The following ARL15 variants were observed in gnomAD, a reference collection of about 807,000 sequenced individuals.
ARL15 encodes the protein ARF like GTPase 15.
In ARL15, 19 loss-of-function variants were observed where a neutral mutation model predicts 25.2. That is an observed-to-expected ratio of 0.75 (90% CI 0.53 to 1.10). The LOEUF is 1.10. Among genes scored for constraint, ARL15 ranks in the 50% least tolerant of loss-of-function variants. The pLI is 0.00. For missense variants in ARL15, 220 were observed against 246.0 expected (o/e 0.89, Z 0.71); for synonymous variants, 94 against 86.8 (o/e 1.08, Z -0.46).
chr5:54,222,626 G>T (rs531784828), intron 1 of ARL15, among the ~76,000 whole-genome samples: 3 of 152,186 alleles, frequency 2.0e-5, no homozygotes, highest in Non-Finnish European at 4.4e-5. Flanking sequence ...GGAATGGGGT[G>T]AGGGGAGGAG....
chr5:53,995,256 C>T (rs927982233), intron 4 of ARL15, among the ~76,000 whole-genome samples: 3 of 135,132 alleles, frequency 2.2e-5, no homozygotes, highest in Non-Finnish European at 3.0e-5. Flanking sequence ...TGCTCCGAGC[C>T]GAGATTGTGC....
chr5:54,200,307 A>G (rs1293773516), intron 1 of ARL15, among the ~76,000 whole-genome samples: 1 of 151,574 alleles, frequency 6.6e-6, no homozygotes, highest in African/African-American at 2.4e-5. Flanking sequence ...TAATTAAAAA[A>G]AGAGAAAAAA....
chr5:54,268,518 G>T (rs1326334168), intron 1 of ARL15, among the ~76,000 whole-genome samples: 9 of 152,186 alleles, frequency 5.9e-5, no homozygotes, highest in Admixed American at 5.9e-4. Context: ...GAGGAATTGC[G>T]TTCCTTTGGA....
chr5:54,192,405 A>T (rs1645549), intron 1 of ARL15, among the ~76,000 whole-genome samples: 39,747 of 151,920 alleles, frequency 0.26, 5,719 homozygotes, highest in African/African-American at 0.36. Flanking sequence ...GTCTCCCCTC[A>T]CTAGAACATA....
At chr5:54,007,674 T>C (rs1214406077) in intron 4 of ARL15, among the ~76,000 whole-genome samples, 1 of 152,070 alleles carries the variant, frequency 6.6e-6, no homozygotes, top group African/African-American at 2.4e-5. Context: ...AGTTTTGCAA[T>C]GAAAAGAGAA....
intron 4 of ARL15, among the ~76,000 whole-genome samples, chr5:53,961,197 T>A (rs1019799718): frequency 3.3e-5 from 5 of 152,072 alleles, no homozygotes; most frequent in Non-Finnish European, 4.4e-5. Context: ...ACTTTAGAAA[T>A]AATTATATAT....
chr5:53,918,245 G>A (rs879273615), intron 4 of ARL15, among the ~76,000 whole-genome samples: 10 of 152,164 alleles, frequency 6.6e-5, no homozygotes, highest in Non-Finnish European at 1.3e-4. Context: ...GAGCGCAGTG[G>A]TGTGATGATA....
chr5:53,987,526 A>G (rs1273904305), intron 4 of ARL15, among the ~76,000 whole-genome samples: 4 of 150,340 alleles, frequency 2.7e-5, no homozygotes, highest in Admixed American at 2.0e-4. Flanking sequence ...TATTTTGAGT[A>G]TCTTATCATC....
chr5:54,271,907 TTTA>T lies in ARL15; in HGVS notation c.48+38522_48+38524del, dbSNP rs551184171. On this transcript the variant is annotated intron_variant, in intron 1 of 4. Transcript: ENST00000504924. ...ATTAATCTATTGGCTGTGCTTAACA[TTTA>T]TTTATTTATTTATTTATTTATTTAT... Among the ~76,000 whole-genome samples, 8 of 120,692 alleles carry T rather than the reference TTTA, an allele frequency of 6.6e-5. No individual in the cohort carries two copies. In the South Asian group the frequency reaches 1.9e-3, roughly 29 times the overall value. 79.2% of individuals were successfully genotyped at this position (120,692 alleles called of 152,430 possible). A position where few individuals can be genotyped will look rare whatever the true frequency, so the allele number is the denominator to read the frequency against.
rs550497782 is a variant in ARL15, at chr5:54,015,233, G to A, written c.462+97969C>T. 6.9e-4 allele frequency among the ~76,000 whole-genome samples: 104 copies of A among 151,434 alleles called. 1 individual carries two copies. The highest frequency in any genetic ancestry group is 1.1e-3 in the Non-Finnish European group (74 of 67,836). On this transcript the variant is annotated intron_variant, in intron 4 of 4. Transcript: ENST00000504924. ...CTTGAACCTAGGAGGCAGAAGTTGC[G>A]GTGAGCCAAGATCGCACCACTGCAC...
chr5:54,192,493 T>C (rs62370452), intron 1 of ARL15, among the ~76,000 whole-genome samples: 2,730 of 152,132 alleles, frequency 0.018, 37 homozygotes, highest in Non-Finnish European at 0.025. Flanking sequence ...CAGAGGTTGA[T>C]GGAATTCTAT....
intron 4 of ARL15, among the ~76,000 whole-genome samples, chr5:53,987,154 C>T (rs1748322987): frequency 1.3e-5 from 2 of 152,142 alleles, no homozygotes; most frequent in African/African-American, 4.8e-5. Context: ...CAAGATATGG[C>T]TCAAGAGGCC....
intron 3 of ARL15, among the ~76,000 whole-genome samples, chr5:54,143,058 T>C (rs944341004): frequency 2.0e-5 from 3 of 152,192 alleles, no homozygotes; most frequent in South Asian, 2.1e-4. Context: ...GTAAACATTA[T>C]ATGGATAATT....
chr5:54,161,209 T>C (rs1015291358), intron 2 of ARL15, among the ~76,000 whole-genome samples: 8 of 152,316 alleles, frequency 5.3e-5, no homozygotes, highest in African/African-American at 1.7e-4. Flanking sequence ...CTTAAAGTTT[T>C]AGTTGCAATA....
chr5:54,145,348 C>A (rs931394046), intron 3 of ARL15, among the ~76,000 whole-genome samples: 9 of 152,048 alleles, frequency 5.9e-5, no homozygotes, highest in African/African-American at 1.9e-4. Context: ...TACTTTGGAC[C>A]GCAAGAAATT....
intron 1 of ARL15, among the ~76,000 whole-genome samples, chr5:54,272,134 T>TTTTTTG (rs1757803086): frequency 1.4e-5 from 2 of 139,526 alleles, no homozygotes; most frequent in Non-Finnish European, 3.1e-5. Context: ...TTTTTTTTTT[T>TTTTTTG]GAAGACTAGG....
At chr5:54,135,050 G>A (rs1041511837) in intron 3 of ARL15, among the ~76,000 whole-genome samples, 4 of 151,944 alleles carry the variant, frequency 2.6e-5, no homozygotes, top group Non-Finnish European at 5.9e-5. Flanking sequence ...CTAATATGTT[G>A]GATGATAAAA....
At chr5:54,092,583 G>A (rs949044914) in intron 4 of ARL15, among the ~76,000 whole-genome samples, 1 of 152,214 alleles carries the variant, frequency 6.6e-6, no homozygotes, top group African/African-American at 2.4e-5. Flanking sequence ...CACTCAAGGT[G>A]ATCCTGGATA....
At chr5:54,205,069 G>A (rs2112492420) in intron 1 of ARL15, among the ~76,000 whole-genome samples, 2 of 151,890 alleles carry the variant, frequency 1.3e-5, no homozygotes, top group South Asian at 4.2e-4. Flanking sequence ...CAAGTAGCTG[G>A]GATTTACGGG....
Sources: gnomAD v4.1 joint callset for allele counts (sites outside exome capture counted in the v4.1 genomes callset) on GRCh38, gnomAD v4.1.1 for gene constraint, MANE v1.5 for transcripts, NCBI Gene and HGNC (gene_info 2026-07-23, HGNC 2026-07-21) for gene names.